Variants in ST18 observed in about 807,000 individuals in gnomAD.
ST18 encodes the protein suppression of tumorigenicity 18 protein.
In ST18, 50 loss-of-function variants were observed where a neutral mutation model predicts 110.0. The ratio of observed to expected loss-of-function variants is 0.45; its 90% confidence interval spans 0.36 to 0.58. The LOEUF is 0.58. ST18 is among the 20% of genes least tolerant of loss of function. ST18 has a pLI of 0.00. For synonymous variants in ST18, 461 were observed against 452.4 expected, an observed-to-expected ratio of 1.02 and a Z score of -0.24; for missense variants, 1,306 against 1,280.1, an observed-to-expected ratio of 1.02 and a Z score of -0.31.
Position 52,225,599 on chromosome 8 carries a change from AG to A in ST18, c.-418-3807del, listed in dbSNP as rs551918298. On this transcript the variant is annotated intron_variant, in intron 3 of 25. Coordinates refer to ENST00000689386, the MANE Select transcript of ST18 (RefSeq NM_001352837.2). Reference sequence around the variant, plus strand: ...CAGAGTGGTTTTATCAGCAGCAAGCAGGCCTGATTACTGACAATTACACTCT... The same window carrying A: ...CAGAGTGGTTTTATCAGCAGCAAGCAGCCTGATTACTGACAATTACACTCT... Among the ~76,000 whole-genome samples the A allele has an allele frequency of 3.9e-5, 6 of 152,350 alleles. No individual in the cohort carries two copies. The East Asian group carries it at 7.7e-4, about 20-fold the overall frequency.
intron 23 of ST18, among the ~76,000 whole-genome samples, chr8:52,119,081 A>C (rs534619841): frequency 2.0e-5 from 3 of 152,242 alleles, no homozygotes; most frequent in South Asian, 2.1e-4. Context: ...ATTTAGGGGG[A>C]AGGACATCAG....
At chr8:52,245,212 T>A (rs921825028) in intron 2 of ST18, among the ~76,000 whole-genome samples, 4 of 152,202 alleles carry the variant, frequency 2.6e-5, no homozygotes, top group Non-Finnish European at 5.9e-5. Context: ...CATCTTTCTA[T>A]ATTATGGTAT....
At chr8:52,147,320 A>G (rs1302096299) in intron 16 of ST18, among the ~76,000 whole-genome samples, 1 of 152,190 alleles carries the variant, frequency 6.6e-6, no homozygotes, top group African/African-American at 2.4e-5. Context: ...AGTAACATAA[A>G]ATATTTCTTA....
chr8:52,361,053 G>A (rs1825507107), intron 2 of ST18, among the ~76,000 whole-genome samples: 1 of 152,134 alleles, frequency 6.6e-6, no homozygotes, highest in African/African-American at 2.4e-5. Context: ...TTTCTGAATT[G>A]AAAACCATGC....
intron 2 of ST18, among the ~76,000 whole-genome samples, chr8:52,233,947 G>A (rs1044953708): frequency 1.3e-4 from 19 of 151,836 alleles, no homozygotes; most frequent in Non-Finnish European, 2.6e-4. Context: ...ATTTATCATC[G>A]ATTCCTCTTG....
At chr8:52,341,793 C>T (rs920963831) in intron 2 of ST18, among the ~76,000 whole-genome samples, 24 of 152,248 alleles carry the variant, frequency 1.6e-4, no homozygotes, top group Admixed American at 1.2e-3. Flanking sequence ...GCTTTCAGAG[C>T]TGTACTGTCG....
chr8:52,139,576 G>A (rs1175709204), intron 17 of ST18, among the ~76,000 whole-genome samples: 1 of 151,982 alleles, frequency 6.6e-6, no homozygotes, highest in East Asian at 1.9e-4. Flanking sequence ...GGCTGGTTTC[G>A]AACTCCTGAC....
chr8:52,200,249 A>T (rs996101900), intron 8 of ST18, among the ~76,000 whole-genome samples: 1 of 152,206 alleles, frequency 6.6e-6, no homozygotes, highest in Non-Finnish European at 1.5e-5. Flanking sequence ...AAGGTGACAA[A>T]TTTTTTTCAT....
At chr8:52,322,848 A>G (rs879342323) in intron 2 of ST18, among the ~76,000 whole-genome samples, 10 of 152,266 alleles carry the variant, frequency 6.6e-5, no homozygotes, top group Non-Finnish European at 1.5e-4. Context: ...AGTTCACTTT[A>G]AAAGAATCTG....
chr8:52,193,316 A>G (rs912663717), intron 8 of ST18, among the ~76,000 whole-genome samples: 1 of 152,200 alleles, frequency 6.6e-6, no homozygotes, highest in African/African-American at 2.4e-5. Flanking sequence ...CATCTTCCCT[A>G]CTGGCTGAAA....
At chr8:52,175,114 C>T (rs1344893387) in intron 9 of ST18, among the ~76,000 whole-genome samples, 1 of 152,038 alleles carries the variant, frequency 6.6e-6, no homozygotes, top group Non-Finnish European at 1.5e-5. Context: ...GGCTGCGTCA[C>T]CTGCCTGAGC....
intron 23 of ST18, among the ~76,000 whole-genome samples, chr8:52,118,668 C>G (rs1210431950): frequency 6.6e-6 from 1 of 152,082 alleles, no homozygotes. Flanking sequence ...GCATGTAGCT[C>G]AGTTATGTCC....
chr8:52,334,694 C>T (rs1007906082), intron 2 of ST18, among the ~76,000 whole-genome samples: 4 of 149,616 alleles, frequency 2.7e-5, no homozygotes, highest in Non-Finnish European at 5.9e-5. Flanking sequence ...GTATGTCTTC[C>T]AAAGGGAACT....
At chr8:52,311,803 G>C (rs2095917385) in intron 2 of ST18, among the ~76,000 whole-genome samples, 3 of 152,172 alleles carry the variant, frequency 2.0e-5, no homozygotes. Flanking sequence ...CCACCCACCA[G>C]GTTCCTCCCT....
chr8:52,240,108 A>T (rs1245235479), intron 2 of ST18, among the ~76,000 whole-genome samples: 1 of 152,076 alleles, frequency 6.6e-6, no homozygotes, highest in Non-Finnish European at 1.5e-5. Context: ...TTTTCCCTTT[A>T]GCCTTTCTAA....
intron 8 of ST18, among the ~76,000 whole-genome samples, chr8:52,207,213 T>C (rs2080408949): frequency 6.6e-6 from 1 of 152,222 alleles, no homozygotes; most frequent in Admixed American, 6.5e-5. Flanking sequence ...AGGCCAGGCA[T>C]GGTGGCTCAC....
At chr8:52,158,766 C>T in intron 15 of ST18, 132 bp downstream of exon 15, 3 of 1,047,212 alleles carry the variant, frequency 2.9e-6, no homozygotes, top group Non-Finnish European at 4.3e-6. Context: ...TGAGCCTCTT[C>T]CTGAGACAGG....
chr8:52,348,831 C>A (rs1033411690), intron 2 of ST18, among the ~76,000 whole-genome samples: 2 of 152,108 alleles, frequency 1.3e-5, no homozygotes, highest in African/African-American at 4.8e-5. Context: ...AGCTAATCAA[C>A]ATATTATTAT....
intron 2 of ST18, among the ~76,000 whole-genome samples, chr8:52,364,447 G>T (rs1827029565): frequency 6.6e-6 from 1 of 152,164 alleles, no homozygotes; most frequent in Admixed American, 6.5e-5. Context: ...TTTGCATTCA[G>T]ATGGGTATAC....
Sources: gnomAD v4.1 joint callset for allele counts (sites outside exome capture counted in the v4.1 genomes callset) on GRCh38, gnomAD v4.1.1 for gene constraint, MANE v1.5 for transcripts, NCBI Gene and HGNC (gene_info 2026-07-23, HGNC 2026-07-21) for gene names.